Variants in NF1 observed in about 807,000 individuals in gnomAD.
The protein encoded by NF1 is neurofibromin 1.
In NF1, 122 loss-of-function variants were observed where a neutral mutation model predicts 325.7. The ratio of observed to expected loss-of-function variants is 0.37; its 90% CI spans 0.32 to 0.44. The LOEUF is 0.44. Ranked by LOEUF, NF1 falls within the 20% of genes least tolerant of loss-of-function variation. NF1 has a pLI of 1.00. For synonymous variants in NF1, 1,091 were observed against 1,186.0 expected, an observed-to-expected ratio of 0.92 and a Z score of 1.65; for missense variants, 2,140 against 3,415.4, an observed-to-expected ratio of 0.63 and a Z score of 9.31.
chr17:31,279,256 A>C (rs983067553), intron 36 of NF1, among the ~76,000 whole-genome samples: 14 of 152,150 alleles, frequency 9.2e-5, no homozygotes, highest in African/African-American at 3.1e-4. Context: ...GTCTCAAAAA[A>C]ATTTTGTTTT....
rs2069716487 is a variant in NF1 at position 31,337,820 on chromosome 17, C to T, written c.6644C>T (p.Ala2215Val). The part of the protein sequence containing the change: ...VTEALLEIME[A>V]CMRDIPTCKW... Reference sequence around the variant, plus strand: ...TATTCAGAGTATCCCCTTTTTTAGGCATGCATGAGAGATATTCCAACGTGC... The same window carrying T: ...TATTCAGAGTATCCCCTTTTTTAGGTATGCATGAGAGATATTCCAACGTGC... Residue 2215 changes from alanine (A) to valine (V), a missense_variant and splice_region_variant, in exon 44 of 58, where the codon GCA becomes GTA. By Grantham distance (64) the Ala-to-Val change is moderately conservative (BLOSUM62 0). Transcript: ENST00000358273. The T allele has an allele frequency of 1.2e-6, 2 of 1,613,664 alleles. No homozygotes were observed. The highest frequency in any genetic ancestry group is 1.7e-6 in the Non-Finnish European group (2 of 1,179,708).
At chr17:31,236,528 C>G (rs534038887) in intron 29 of NF1, among the ~76,000 whole-genome samples, 51 of 152,180 alleles carry the variant, frequency 3.4e-4, no homozygotes, top group Non-Finnish European at 6.9e-4. Context: ...CAACCTCTGC[C>G]TCCCAGGTTC....
At chr17:31,265,392 A>G (rs992801796) in intron 36 of NF1, 53 bp downstream of exon 36, 2 of 1,327,288 alleles carry the variant, frequency 1.5e-6, no homozygotes, top group African/African-American at 2.9e-5. Context: ...AATTATAGCA[A>G]ATATAGAGAG....
chr17:31,265,485 T>G (rs542221115), intron 36 of NF1, 146 bp downstream of exon 36: 14 of 635,094 alleles, frequency 2.2e-5, no homozygotes, highest in African/African-American at 1.9e-4. Context: ...GTAAATAGCC[T>G]GCGTTTCCTA....
chr17:31,100,195 G>A (rs889871575), intron 1 of NF1, among the ~76,000 whole-genome samples: 1 of 150,950 alleles, frequency 6.6e-6, no homozygotes. Flanking sequence ...TAGCATATTT[G>A]TTGTTCTCAT....
chr17:31,215,073 T>G (rs1233930078), intron 13 of NF1, among the ~76,000 whole-genome samples: 3 of 152,156 alleles, frequency 2.0e-5, no homozygotes, highest in Non-Finnish European at 2.9e-5. Flanking sequence ...GGAAAAAGAA[T>G]GAGGTGAAAA....
rs144746834 is a variant in NF1, at chr17:31,318,976, T to C, written c.4836-6844T>C. ...AACTGTTGTCATCAGAAAGGCAAGA[T>C]GTAGGTAATGTCCTGTGTGTTCCAT... On this transcript the variant is annotated intron_variant, in intron 36 of 57. Coordinates refer to ENST00000358273, the MANE Select transcript of NF1 (RefSeq NM_001042492.3). 1.6e-3 allele frequency: 2,550 copies of C among 1,612,420 alleles called. 2 individuals are homozygous for C. The highest frequency in any genetic ancestry group is 2.0e-3 in the Non-Finnish European group (2,381 of 1,179,826).
chr17:31,334,744 C>T (rs769703683), intron 39 of NF1, 94 bp from the exon 40 acceptor site: 3 of 1,027,218 alleles, frequency 2.9e-6, no homozygotes, highest in Admixed American at 3.6e-5. Context: ...ATAGTCTTTA[C>T]CTTTTACCAT....
chr17:31,099,666 T>C (rs1412138694), intron 1 of NF1, among the ~76,000 whole-genome samples: 1 of 151,598 alleles, frequency 6.6e-6, no homozygotes, highest in Non-Finnish European at 1.5e-5. Context: ...TTCAAGCCAT[T>C]CTCCTGCCTC....
intron 1 of NF1, among the ~76,000 whole-genome samples, chr17:31,124,236 A>AT (rs949319481): frequency 2.7e-4 from 41 of 150,306 alleles, no homozygotes; most frequent in Middle Eastern, 3.5e-3. Flanking sequence ...TTTATTTTTA[A>AT]TTTTTTTTTG....
chr17:31,279,210 G>A (rs758395669), intron 36 of NF1, among the ~76,000 whole-genome samples: 53 of 152,204 alleles, frequency 3.5e-4, no homozygotes, highest in Non-Finnish European at 6.2e-4. Flanking sequence ...TCCCACCACC[G>A]CACTTCAGCC....
chr17:31,248,891 G>A, intron 29 of NF1, 93 bp from the exon 30 acceptor site: 1 of 1,260,106 alleles, frequency 7.9e-7, no homozygotes, highest in South Asian at 1.2e-5. Context: ...GTTGCACTTG[G>A]CTTAATGTCT....
chr17:31,336,716 G>A lies in NF1; in HGVS notation c.6229G>A (p.Asp2077Asn), dbSNP rs1597842830. Reference protein sequence around the residue: ...PTLEQHLMWDDIAILARYMLM... With the variant: ...PTLEQHLMWDNIAILARYMLM... ...TTTAGAACAACATCTTATGTGGGAT[G>A]ATATTGCTATTTTAGCACGCTACAT... Residue 2077 changes from aspartate (D) to asparagine (N), a missense_variant, in exon 42 of 58, where the codon GAT becomes AAT. Transcript: ENST00000358273. The surrounding 1 kb of genome is among the most constrained non-coding windows in gnomAD (Gnocchi z 5.5). 6.2e-7 allele frequency: 1 copy of A among 1,613,962 alleles called. No homozygotes were observed.
intron 57 of NF1, among the ~76,000 whole-genome samples, chr17:31,364,356 G>T (rs541851076): frequency 1.3e-5 from 2 of 152,128 alleles, no homozygotes; most frequent in East Asian, 1.9e-4. Context: ...TGATCTGCAC[G>T]CATTCAATCC....
At chr17:31,313,720 A>ATGTG (rs1555625971) in intron 36 of NF1, among the ~76,000 whole-genome samples, 21 of 101,186 alleles carry the variant, frequency 2.1e-4, no homozygotes, top group African/African-American at 5.3e-4. Context: ...AAAAAAAAAA[A>ATGTG]TATGTGTGTG....
chr17:31,246,723 G>C (rs1437421982), intron 29 of NF1, among the ~76,000 whole-genome samples: 1 of 152,140 alleles, frequency 6.6e-6, no homozygotes, highest in Non-Finnish European at 1.5e-5. Context: ...ACTACATAAA[G>C]TAGGCATTAT....
rs1260740048 is a variant in NF1 at position 31,358,533 on chromosome 17, C to T, written c.8024C>T (p.Pro2675Leu). Residue 2675 changes from proline (P) to leucine (L), a missense_variant, in exon 55 of 58, where the codon CCA becomes CTA. Physicochemically the swap from Pro to Leu is moderately conservative, Grantham distance 98. Coordinates refer to ENST00000358273, the MANE Select transcript of NF1 (RefSeq NM_001042492.3). ...ACCCTGTTATCATTGTGCCAAGATC[C>T]AAATTTGTTAAATCCAATCCATGGA... ...INTLLSLCQDPNLLNPIHGIV... is the reference protein window; with the variant it reads ...INTLLSLCQDLNLLNPIHGIV... The T allele has an allele frequency of 6.2e-7, 1 of 1,613,884 alleles. No homozygotes were observed. Among genetic ancestry groups the T allele is most frequent in the South Asian group, 1.1e-5 (1 of 91,076 alleles).
chr17:31,306,987 A>G (rs932186187), intron 36 of NF1, among the ~76,000 whole-genome samples: 7 of 152,042 alleles, frequency 4.6e-5, no homozygotes, highest in Admixed American at 2.0e-4. Context: ...CCATCTCTAA[A>G]TAAAAAGAAG....
chr17:31,224,939 T>G (rs1412801737), intron 16 of NF1, 156 bp from the exon 17 acceptor site: 1 of 719,760 alleles, frequency 1.4e-6, no homozygotes, highest in Non-Finnish European at 2.4e-6. Context: ...TTGTTTGTTC[T>G]AATGGGTTTC....
Sources: gnomAD v4.1 joint callset for allele counts (sites outside exome capture counted in the v4.1 genomes callset) on GRCh38, gnomAD v4.1.1 for gene constraint, Gnocchi (gnomAD v3.1) non-coding constraint, MANE v1.5 for transcripts, NCBI Gene and HGNC (gene_info 2026-07-23, HGNC 2026-07-21) for gene names.